The following CYTH4 variants were observed in gnomAD, a reference collection of about 807,000 sequenced individuals.
The protein encoded by CYTH4 is cytohesin-4.
CYTH4 carries 22 observed loss-of-function variants against 57.5 expected under a neutral mutation model. The observed-to-expected ratio is 0.38, with a 90% CI of 0.27 to 0.55. The LOEUF (loss-of-function observed/expected upper bound fraction) is 0.55, where lower values mean the gene tolerates loss of function less well. Ranked by LOEUF, CYTH4 falls within the 20% of genes least tolerant of loss-of-function variation. CYTH4 has a pLI of 0.74. For missense variants in CYTH4, 420 were observed against 535.6 expected, an observed-to-expected ratio of 0.78 and a Z score of 2.13; for synonymous variants, 186 against 206.5, an observed-to-expected ratio of 0.90 and a Z score of 0.85.
rs968343492 is a variant in CYTH4 at position 37,294,540 on chromosome 22, G to A, written c.103-120G>A. On this transcript the variant is annotated intron_variant, in intron 2 of 12. Transcript: ENST00000248901. Reference sequence around the variant, plus strand: ...GACTGGGGACTCAGGACAGAGGTCAGGGAGAGGGGCCAGGTTTGAGAGTCG... The same window carrying A: ...GACTGGGGACTCAGGACAGAGGTCAAGGAGAGGGGCCAGGTTTGAGAGTCG... 6.5e-6 allele frequency: 7 copies of A among 1,079,660 alleles called. No individual in the cohort carries two copies. In the African/African-American group the frequency reaches 9.3e-5, roughly 14 times the overall value. The allele number at this position is 1,079,660 out of a possible 1,614,324, so 66.9% of individuals were successfully genotyped here.
At chr22:37,309,164 C>T (rs1425286109) in intron 8 of CYTH4, 48 bp from the exon 9 acceptor site, 4 of 1,577,714 alleles carry the variant, frequency 2.5e-6, no homozygotes, top group Non-Finnish European at 3.5e-6. Flanking sequence ...AGGCCTTGGA[C>T]TCGGGTGGAC....
intron 9 of CYTH4, among the ~76,000 whole-genome samples, chr22:37,310,545 G>T (rs560784334): frequency 1.3e-5 from 2 of 152,294 alleles, no homozygotes; most frequent in Non-Finnish European, 2.9e-5. Flanking sequence ...CTGTAAAATG[G>T]GGTTAACAAT....
chr22:37,284,804 AG>A (rs1423138048), intron 1 of CYTH4, among the ~76,000 whole-genome samples: 1 of 152,160 alleles, frequency 6.6e-6, no homozygotes, highest in Non-Finnish European at 1.5e-5. Context: ...GTCGGGAAGC[AG>A]GTAAGGCGCC....
intron 4 of CYTH4, 83 bp downstream of exon 4, chr22:37,296,148 C>T: frequency 7.4e-7 from 1 of 1,357,084 alleles, no homozygotes; most frequent in Non-Finnish European, 1.0e-6. Flanking sequence ...CTCCCCTCGG[C>T]TGACACGACC....
chr22:37,313,219 A>T (rs1381636497), intron 12 of CYTH4, among the ~76,000 whole-genome samples: 2 of 152,202 alleles, frequency 1.3e-5, no homozygotes, highest in African/African-American at 4.8e-5. Flanking sequence ...TCCTGATCGG[A>T]GGCCTCACCC....
At position 37,297,719 on chromosome 22, in the gene CYTH4, A is replaced by C. The variant is rs201883975; in HGVS notation, c.353+37A>C. 1.9e-6 allele frequency: 3 copies of C among 1,571,366 alleles called. No homozygotes were observed. In the Admixed American group the frequency reaches 5.0e-5, roughly 26 times the overall value. On this transcript the variant is annotated intron_variant, in intron 5 of 12. Coordinates refer to ENST00000248901, the MANE Select transcript of CYTH4 (RefSeq NM_013385.5). ...TGGAGCCTTAGCGAGGCAGGAAATG[A>C]AGGTGTGCAGGTGTGTACAGGTGTG...
intron 8 of CYTH4, chr22:37,304,100 C>T (rs1339920951): frequency 6.7e-6 from 3 of 447,654 alleles, no homozygotes; most frequent in African/African-American, 6.0e-5. Context: ...GCTGTCATTG[C>T]TCTGGGGGCA....
At chr22:37,310,580 G>A (rs1442935024) in intron 9 of CYTH4, among the ~76,000 whole-genome samples, 1 of 152,232 alleles carries the variant, frequency 6.6e-6, no homozygotes, top group African/African-American at 2.4e-5. Flanking sequence ...ACGTGGTTGT[G>A]AGGATTAATA....
intron 1 of CYTH4, chr22:37,292,280 A>G: frequency 3.7e-6 from 1 of 267,110 alleles, no homozygotes; most frequent in Non-Finnish European, 7.1e-6. Context: ...GACATGTCAG[A>G]CTCTTTCTAG....
At position 37,312,101 on chromosome 22, in the gene CYTH4, G is replaced by A. The variant is rs1039087659; in HGVS notation, c.1039G>A (p.Glu347Lys). 6.2e-7 allele frequency: 1 copy of A among 1,614,246 alleles called. No individual in the cohort carries two copies. The highest frequency in any genetic ancestry group is 2.2e-5 in the East Asian group (1 of 44,894). The part of the protein sequence containing the change: ...CKTDGDGRVV[E>K]GKHESYRISA... Reference sequence around the variant, plus strand: ...GACCGATGGCGACGGCAGGGTGGTGGAGGGCAAGCACGAATCGTACCGCAT... The same window carrying A: ...GACCGATGGCGACGGCAGGGTGGTGAAGGGCAAGCACGAATCGTACCGCAT... Residue 347 changes from glutamate (E) to lysine (K), a missense_variant, in exon 12 of 13, where the codon GAG becomes AAG. Physicochemically the swap from Glu to Lys is moderately conservative, Grantham distance 56 (BLOSUM62 1). Transcript: ENST00000248901.
In CYTH4 at chr22:37,311,452, G is replaced by A. The variant is rs763299194; in HGVS notation, c.886-4G>A. On this transcript the variant is annotated splice_polypyrimidine_tract_variant and splice_region_variant and intron_variant, in intron 10 of 12. Coordinates refer to ENST00000248901, the MANE Select transcript of CYTH4 (RefSeq NM_013385.5). The surrounding 1 kb of genome is among the most constrained non-coding windows in gnomAD (Gnocchi z 4.4). ...CCCTGACCTTCCTTCCCCTTTCCCT[G>A]TAGGACAAGGAGCCACGGGGAATTA... is the stretch of plus-strand genomic sequence containing the variant. The A allele has an allele frequency of 1.4e-5, 23 of 1,613,718 alleles. No homozygotes were observed. Among genetic ancestry groups the A allele is most frequent in the Non-Finnish European group, 1.8e-5 (21 of 1,179,808 alleles).
intron 4 of CYTH4, 101 bp downstream of exon 4, chr22:37,296,166 A>G: frequency 1.6e-6 from 2 of 1,237,404 alleles, no homozygotes; most frequent in Non-Finnish European, 2.3e-6. Flanking sequence ...ACCCCTTTCC[A>G]GAGGAGGAAG....
rs139453078 is a variant in CYTH4, at chr22:37,311,724, G to A, written c.957+197G>A. ...AAAAGGTCAATGTGGGTCCAAGGACGTGGTTGTCCCCTGTTGTCCCACACA... is the reference window on the plus strand; with the variant it reads ...AAAAGGTCAATGTGGGTCCAAGGACATGGTTGTCCCCTGTTGTCCCACACA... On this transcript the variant is annotated intron_variant, in intron 11 of 12. Transcript: ENST00000248901. The surrounding 1 kb of genome is among the most constrained non-coding windows in gnomAD (Gnocchi z 4.4). 4.4e-4 allele frequency: 291 copies of A among 668,566 alleles called. 1 individual carries two copies. In the East Asian group the frequency reaches 7.2e-3, roughly 17 times the overall value. 41.4% of individuals were successfully genotyped at this position (668,566 alleles called of 1,614,324 possible).
chr22:37,301,509 CCT>C (rs1386844472), intron 7 of CYTH4, among the ~76,000 whole-genome samples: 1 of 151,694 alleles, frequency 6.6e-6, no homozygotes, highest in East Asian at 1.9e-4. Flanking sequence ...CCTCCATAGC[CCT>C]CTCTCCCAGG....
chr22:37,308,917 T>C (rs991018458), intron 8 of CYTH4, among the ~76,000 whole-genome samples: 7 of 152,068 alleles, frequency 4.6e-5, no homozygotes, highest in Admixed American at 1.3e-4. Context: ...TATTTGTATA[T>C]ATGTGTGTTT....
At chr22:37,294,509 C>G in intron 2 of CYTH4, 151 bp from the exon 3 acceptor site, 1 of 722,766 alleles carries the variant, frequency 1.4e-6, no homozygotes, top group East Asian at 2.7e-5. Context: ...CATGGAGGGT[C>G]CCTCAGACTG....
At chr22:37,301,046 G>T (rs1469945525) in intron 7 of CYTH4, 27 bp downstream of exon 7, 1 of 1,592,418 alleles carries the variant, frequency 6.3e-7, no homozygotes, top group South Asian at 1.1e-5. Context: ...GGGACCCAGG[G>T]CTCCGGGACC....
At chr22:37,299,411 GC>G (rs971869976) in intron 6 of CYTH4, 105 bp downstream of exon 6, 11 of 1,009,368 alleles carry the variant, frequency 1.1e-5, no homozygotes, top group Non-Finnish European at 1.7e-5. Context: ...AGGGTTGGGA[GC>G]AAAGAAGAGG....
At chr22:37,285,709 T>TCAAA (rs368245730) in intron 1 of CYTH4, among the ~76,000 whole-genome samples, 4,129 of 151,904 alleles carry the variant, frequency 0.027, 213 homozygotes, top group African/African-American at 0.095. Context: ...AGACATCGTC[T>TCAAA]CAAACAAACA....
Sources: gnomAD v4.1 joint callset for allele counts (sites outside exome capture counted in the v4.1 genomes callset) on GRCh38, gnomAD v4.1.1 for gene constraint, Gnocchi (gnomAD v3.1) non-coding constraint, MANE v1.5 for transcripts, NCBI Gene and HGNC (gene_info 2026-07-23, HGNC 2026-07-21) for gene names.